Variants in NSD2 observed in about 807,000 individuals in gnomAD.
NSD2 encodes histone-lysine N-methyltransferase NSD2.
A neutral mutation model predicts 139.0 loss-of-function variants in NSD2; 12 were observed. That is an observed-to-expected ratio of 0.09 (90% CI 0.06 to 0.14). The LOEUF (loss-of-function observed/expected upper bound fraction) is 0.14. Ranked by LOEUF, NSD2 falls within the 10% of genes least tolerant of loss-of-function variation. The pLI, the probability that NSD2 is intolerant of heterozygous loss-of-function variation, is 1.00. For synonymous variants in NSD2, 669 were observed against 648.7 expected (o/e 1.03, Z -0.48); for missense variants, 1,155 against 1,745.0 (o/e 0.66, Z 6.02).
chr4:1,887,896 T>G (rs1024642435), intron 1 of NSD2, among the ~76,000 whole-genome samples: 12 of 151,988 alleles, frequency 7.9e-5, no homozygotes, highest in Non-Finnish European at 7.3e-5. Flanking sequence ...ACTAGATCTG[T>G]CAGTTCCTTT....
chr4:1,880,157 C>T (rs895768875), intron 1 of NSD2, among the ~76,000 whole-genome samples: 1 of 152,026 alleles, frequency 6.6e-6, no homozygotes, highest in Non-Finnish European at 1.5e-5. Context: ...CTCCAAAATT[C>T]GGAGTTGGTG....
chr4:1,902,799 C>T (rs564282690), intron 2 of NSD2, among the ~76,000 whole-genome samples: 4 of 152,290 alleles, frequency 2.6e-5, no homozygotes, highest in South Asian at 2.1e-4. Context: ...AGTAACTCAA[C>T]CTGAATTTTG....
intron 1 of NSD2, among the ~76,000 whole-genome samples, chr4:1,873,702 CT>C (rs1300720189): frequency 6.6e-6 from 1 of 152,172 alleles, no homozygotes; most frequent in Non-Finnish European, 1.5e-5. Flanking sequence ...AGAATGTGAA[CT>C]TTTTTTGTTT....
rs138137147 is a variant in NSD2, at chr4:1,901,230, C to T, written c.576C>T (p.Ile192=). 105 of 1,580,196 alleles carry T rather than the reference C, an allele frequency of 6.6e-5. No homozygotes were observed. In the Middle Eastern group the frequency reaches 8.5e-4, roughly 13 times the overall value. The stretch of plus-strand genomic sequence containing the variant: ...TCGAAGCAGCTCTTGTGTCTAAGAT[C>T]TCAAGTCCTTCAGATAAAAAGGTAT... The part of the protein sequence containing the change: ...GLVEAALVSK[I]SSPSDKKIPA... Residue 192 remains isoleucine (I), a synonymous_variant, in exon 2 of 22, where the codon ATC becomes ATT. Transcript: ENST00000508803.
intron 3 of NSD2, among the ~76,000 whole-genome samples, chr4:1,915,609 G>C (rs562686689): frequency 1.3e-5 from 2 of 152,116 alleles, no homozygotes. Flanking sequence ...GGGTCCAGGG[G>C]TTCCTTGGTG....
chr4:1,886,721 C>T (rs1305875837), intron 1 of NSD2, among the ~76,000 whole-genome samples: 1 of 151,888 alleles, frequency 6.6e-6, no homozygotes, highest in East Asian at 1.9e-4. Flanking sequence ...ACCTGTAGTC[C>T]CAGCTACTCA....
chr4:1,952,982 A>G (rs560281413), intron 11 of NSD2: 3 of 1,436,520 alleles, frequency 2.1e-6, no homozygotes, highest in African/African-American at 1.4e-5. Flanking sequence ...CTGCTCCACC[A>G]CTGGCCAGCT....
In NSD2 at chr4:1,931,086, G is replaced by A. The variant is rs146770265; in HGVS notation, c.1555+316G>A. 5.4e-3 allele frequency among the ~76,000 whole-genome samples: 827 copies of A among 152,276 alleles called. 4 individuals carry two copies. Among genetic ancestry groups the A allele is most frequent in the Admixed American group, 7.3e-3 (111 of 15,298 alleles). On this transcript the variant is annotated intron_variant, in intron 6 of 21. Transcript: ENST00000508803. ...GAAGAGAGGACACAAGAAGGAAGGG[G>A]AGGGAAGGTCGTCTCTTGGATTCCA...
intron 9 of NSD2, chr4:1,947,785 C>T: frequency 9.5e-7 from 1 of 1,048,402 alleles, no homozygotes; most frequent in Non-Finnish European, 1.2e-6. Context: ...ATTTATTGTT[C>T]AAGGTCTGTA....
At chr4:1,967,373 T>G (rs2108996835) in intron 18 of NSD2, among the ~76,000 whole-genome samples, 1 of 152,028 alleles carries the variant, frequency 6.6e-6, no homozygotes, top group South Asian at 2.1e-4. Flanking sequence ...AGGTCAGGAG[T>G]TCGAGACCAG....
chr4:1,977,400 C>A (rs865802803), intron 21 of NSD2, among the ~76,000 whole-genome samples: 1 of 152,240 alleles, frequency 6.6e-6, no homozygotes, highest in African/African-American at 2.4e-5. Flanking sequence ...ACCTCCGTTA[C>A]AATCTTGCAG....
chr4:1,947,774 T>C (rs1386282073), intron 9 of NSD2: 38 of 1,048,466 alleles, frequency 3.6e-5, no homozygotes, highest in Middle Eastern at 8.6e-4. Context: ...TTTATAGAAA[T>C]ATTTATTGTT....
intron 6 of NSD2, among the ~76,000 whole-genome samples, chr4:1,934,863 AAAAAAAAAAAAAAAAATATAT>A (rs1722126964): frequency 1.0e-5 from 1 of 100,110 alleles, no homozygotes; most frequent in African/African-American, 4.4e-5. Flanking sequence ...AAAAAAAAAA[AAAAAAAAAAAAAAAAATATAT>A]ATATATATAT....
chr4:1,901,064 C>G lies in NSD2; in HGVS notation c.410C>G (p.Pro137Arg). Residue 137 changes from proline (P) to arginine (R), a missense_variant, in exon 2 of 22, where the codon CCT becomes CGT. Physicochemically the swap from Pro to Arg is moderately radical, Grantham distance 103. Around this residue, in one of 8 missense-constraint regions of NSD2, gnomAD observed 246 missense variants for 262.8 expected, o/e 0.94. Transcript: ENST00000508803. ...ACCAAAACATACATGAATGGGAAGCCTCTCTTTGAATCTTCCATTTGTGGT... is the reference window on the plus strand; with the variant it reads ...ACCAAAACATACATGAATGGGAAGCGTCTCTTTGAATCTTCCATTTGTGGT... ...KITKTYMNGK[P>R]LFESSICGDS... 6.2e-7 allele frequency: 1 copy of G among 1,614,182 alleles called. No individual in the cohort carries two copies. Among genetic ancestry groups the G allele is most frequent in the Non-Finnish European group, 8.5e-7 (1 of 1,180,034 alleles).
At chr4:1,921,871 G>A (rs1036111116) in intron 5 of NSD2, among the ~76,000 whole-genome samples, 2 of 151,766 alleles carry the variant, frequency 1.3e-5, no homozygotes, top group African/African-American at 2.4e-5. Flanking sequence ...ATATTAGGCC[G>A]GGCGCGGTGG....
At chr4:1,925,085 A>G (rs902362021) in intron 5 of NSD2, among the ~76,000 whole-genome samples, 1 of 152,186 alleles carries the variant, frequency 6.6e-6, no homozygotes, top group African/African-American at 2.4e-5. Flanking sequence ...AGCAATGACT[A>G]TTAGGATGCT....
chr4:1,876,174 A>G (rs1169457003), intron 1 of NSD2, among the ~76,000 whole-genome samples: 1 of 152,050 alleles, frequency 6.6e-6, no homozygotes, highest in Non-Finnish European at 1.5e-5. Context: ...AGATCGCGCC[A>G]CTGCCCTCCA....
intron 9 of NSD2, chr4:1,941,481 C>T (rs982929273): frequency 1.9e-6 from 2 of 1,047,324 alleles, no homozygotes; most frequent in South Asian, 9.1e-5. Context: ...GGAGCTCAGT[C>T]TCCCTGGCCT....
chr4:1,941,057 G>C, intron 9 of NSD2: 2 of 1,056,518 alleles, frequency 1.9e-6, no homozygotes, highest in South Asian at 9.1e-5. Flanking sequence ...CTGGAGAAAA[G>C]GCAGTAAGAA....
Sources: gnomAD v4.1 joint callset for allele counts (sites outside exome capture counted in the v4.1 genomes callset) on GRCh38, gnomAD v4.1.1 for gene constraint, gnomAD v4.1.1 regional missense constraint, MANE v1.5 for transcripts, NCBI Gene and HGNC (gene_info 2026-07-23, HGNC 2026-07-21) for gene names.